Variants in EML5 observed in about 807,000 individuals in gnomAD.
EML5 encodes the protein EMAP like 5.
In EML5, 120 loss-of-function variants were observed where a neutral mutation model predicts 250.0. That is an observed-to-expected ratio of 0.48 (90% confidence interval 0.41 to 0.56). The LOEUF is 0.56. Ranked by LOEUF, EML5 falls within the 20% of genes least tolerant of loss-of-function variation. The pLI is 0.00. For synonymous variants in EML5, 771 were observed against 806.5 expected, an observed-to-expected ratio of 0.96 and a Z score of 0.75; for missense variants, 2,006 against 2,437.6, an observed-to-expected ratio of 0.82 and a Z score of 3.73.
chr14:88,747,123 A>C (rs185656675), intron 2 of EML5, among the ~76,000 whole-genome samples: 129 of 152,168 alleles, frequency 8.5e-4, no homozygotes, highest in African/African-American at 2.1e-3. Flanking sequence ...AACAAACAAA[A>C]AAAAAAGGGT....
rs1430546659 is a variant in EML5, at chr14:88,663,103, G to A, written c.3426C>T (p.Val1142=). The A allele has an allele frequency of 6.5e-7, 1 of 1,546,140 alleles. No homozygotes were observed. Among genetic ancestry groups the A allele is most frequent in the East Asian group, 2.4e-5 (1 of 40,872 alleles). The part of the protein sequence containing the change: ...DWDIRGKLLQ[V]NTGAKEQLFF... Reference sequence around the variant, plus strand: ...ATAATTGTTCCTTAGCACCAGTGTTGACCTGTAAAAGCTTTCCTTCAAAAA... The same window carrying A: ...ATAATTGTTCCTTAGCACCAGTGTTAACCTGTAAAAGCTTTCCTTCAAAAA... The change falls in exon 24 of 44, where the codon GTC becomes GTT. Residue 1142 remains valine (V), a synonymous_variant. Coordinates refer to ENST00000554922, the MANE Select transcript of EML5 (RefSeq NM_183387.3).
chr14:88,653,570 T>C (rs989493207), intron 27 of EML5, among the ~76,000 whole-genome samples: 10 of 152,184 alleles, frequency 6.6e-5, no homozygotes, highest in African/African-American at 2.4e-4. Context: ...GTTTTTGTCA[T>C]TGGTTCTGTT....
chr14:88,626,122 G>A (rs1263044145), intron 35 of EML5: 2 of 152,200 alleles, frequency 1.3e-5, no homozygotes, highest in African/African-American at 4.8e-5. Flanking sequence ...TAAGCAGTGT[G>A]TTAAATGATA....
In EML5 at chr14:88,618,771, T is replaced by C. The variant is rs145416512; in HGVS notation, c.5417A>G (p.Glu1806Gly). Residue 1806 changes from glutamate to glycine, a missense_variant, in exon 40 of 44, where the codon GAG (glutamate) becomes GGG (glycine). Transcript: ENST00000554922. ...TAGGTCATAAAAATCCACTGAGTTC[T>C]CACTAGAACCTACTGCCAGATACCG... ...DSRYLAVGSS[E>G]NSVDFYDLTL... 38 of 1,600,070 alleles carry C rather than the reference T, an allele frequency of 2.4e-5. No individual in the cohort carries two copies. In the African/African-American group the frequency reaches 4.5e-4, roughly 19 times the overall value.
At chr14:88,720,661 C>T (rs916474092) in intron 8 of EML5, among the ~76,000 whole-genome samples, 1 of 152,142 alleles carries the variant, frequency 6.6e-6, no homozygotes, top group Non-Finnish European at 1.5e-5. Flanking sequence ...AAACCCACAG[C>T]CAATATCATA....
chr14:88,768,972 T>C (rs2094356249), intron 1 of EML5, among the ~76,000 whole-genome samples: 1 of 152,212 alleles, frequency 6.6e-6, no homozygotes, highest in Admixed American at 6.5e-5. Flanking sequence ...ATAGATAATA[T>C]GTAAACCATG....
chr14:88,662,687 C>A (rs2092161307), intron 24 of EML5, among the ~76,000 whole-genome samples: 1 of 151,846 alleles, frequency 6.6e-6, no homozygotes. Flanking sequence ...GGACTATAGG[C>A]ACATGCCACC....
In EML5 at chr14:88,702,433, C is replaced by A. The variant is rs761543683; in HGVS notation, c.2238+13G>T. On this transcript the variant is annotated intron_variant, in intron 14 of 43. Transcript: ENST00000554922. ...GTAGCTTATCTGGCTTATTGTCAGT[C>A]TTTCAAACCTACCTGGCCTGTTGCC... The A allele has an allele frequency of 6.3e-7, 1 of 1,590,504 alleles. No homozygotes were observed. The highest frequency in any genetic ancestry group is 1.2e-5 in the South Asian group (1 of 86,562).
intron 14 of EML5, among the ~76,000 whole-genome samples, chr14:88,701,938 C>T (rs1285860931): frequency 1.3e-5 from 2 of 152,156 alleles, no homozygotes; most frequent in Non-Finnish European, 2.9e-5. Context: ...TCCCTTCCTT[C>T]TCTAAGAATA....
Position 88,657,520 on chromosome 14 carries a change from G to A in EML5, c.3878-18C>T, listed in dbSNP as rs199809774. On this transcript the variant is annotated intron_variant, in intron 26 of 43. Coordinates refer to ENST00000554922, the MANE Select transcript of EML5 (RefSeq NM_183387.3). ...GTCATAGCCTACAATAAAAATATAC[G>A]AGTAATTCTTTAAGCAATAACTGAG... 2.3e-4 allele frequency: 363 copies of A among 1,575,324 alleles called. 2 individuals are homozygous for A. The African/African-American group carries it at 3.9e-3, about 17-fold the overall frequency.
intron 4 of EML5, among the ~76,000 whole-genome samples, 198 bp downstream of exon 4, chr14:88,743,825 T>C (rs566508041): frequency 6.6e-6 from 1 of 152,208 alleles, no homozygotes; most frequent in East Asian, 1.9e-4. Context: ...TTCCTATTCA[T>C]ACCTATATTC....
At chr14:88,660,378 T>C (rs1595413548) in intron 25 of EML5, among the ~76,000 whole-genome samples, 1 of 152,148 alleles carries the variant, frequency 6.6e-6, no homozygotes, top group East Asian at 1.9e-4. Context: ...TTACAGTAGT[T>C]TGAACAGAGG....
At chr14:88,728,365 G>A (rs183974936) in intron 7 of EML5, among the ~76,000 whole-genome samples, 27 of 152,144 alleles carry the variant, frequency 1.8e-4, no homozygotes, top group Admixed American at 9.2e-4. Context: ...AAAAAGCCAC[G>A]TCTAATGTTT....
intron 25 of EML5, 74 bp downstream of exon 25, chr14:88,661,580 A>AGT: frequency 7.7e-7 from 1 of 1,292,020 alleles, no homozygotes; most frequent in Middle Eastern, 1.9e-4. Flanking sequence ...ATAACAATGA[A>AGT]GTGCTATGAC....
At chr14:88,622,801 G>T in intron 36 of EML5, 83 bp from the exon 37 acceptor site, 4 of 837,814 alleles carry the variant, frequency 4.8e-6, no homozygotes, top group South Asian at 3.2e-5. Context: ...GTTATAAGCA[G>T]AATCTTTTTT....
intron 1 of EML5, among the ~76,000 whole-genome samples, chr14:88,781,602 C>T (rs930622519): frequency 6.6e-6 from 1 of 152,040 alleles, no homozygotes; most frequent in African/African-American, 2.4e-5. Flanking sequence ...TCTCATAATC[C>T]CCAGACATGG....
intron 39 of EML5, 120 bp from the exon 40 acceptor site, chr14:88,618,932 T>TA (rs2088286109): frequency 1.3e-5 from 12 of 939,112 alleles, no homozygotes; most frequent in Non-Finnish European, 1.8e-5. Context: ...CAAATAGATT[T>TA]ACCTGTCAGA....
At chr14:88,784,243 GA>G (rs1326177022) in intron 1 of EML5, among the ~76,000 whole-genome samples, 1 of 151,944 alleles carries the variant, frequency 6.6e-6, no homozygotes, top group African/African-American at 2.4e-5. Flanking sequence ...TAAAGAACTA[GA>G]AAAGCAAGAG....
intron 20 of EML5, 55 bp from the exon 21 acceptor site, chr14:88,682,086 G>C: frequency 7.2e-7 from 1 of 1,396,574 alleles, no homozygotes. Context: ...TTTATACACA[G>C]TTTTATTTAG....
Sources: allele counts gnomAD v4.1 joint callset (sites outside exome capture counted in the v4.1 genomes callset), GRCh38; gene constraint gnomAD v4.1.1; transcripts MANE v1.5; gene names NCBI Gene and HGNC (gene_info 2026-07-23, HGNC 2026-07-21).